Variants in PTPN9 observed in about 807,000 individuals in gnomAD.
PTPN9 encodes the protein tyrosine-protein phosphatase non-receptor type 9.
PTPN9 carries 26 observed loss-of-function variants against 69.8 expected under a neutral mutation model. That is an observed-to-expected ratio of 0.37 (90% CI 0.27 to 0.52). The LOEUF (loss-of-function observed/expected upper bound fraction) is 0.52. Among genes scored for constraint, PTPN9 ranks in the 20% least tolerant of loss-of-function variants. The pLI is 0.91. For synonymous variants in PTPN9, 274 were observed against 272.5 expected (o/e 1.01, Z -0.05); for missense variants, 549 against 740.3 (o/e 0.74, Z 3.00).
At chr15:75,491,446 G>C (rs1285152890) in intron 7 of PTPN9, among the ~76,000 whole-genome samples, 2 of 151,544 alleles carry the variant, frequency 1.3e-5, no homozygotes, top group Non-Finnish European at 2.9e-5. Context: ...GAGAGAAGGA[G>C]TGGGGATGGG....
At position 75,530,708 on chromosome 15, in the gene PTPN9, T is replaced by TAA. The variant is rs1555456046; in HGVS notation, c.64-3448_64-3447insTT. ...TATATTATAATATATATAATATATA[T>TAA]TATTATATAATATATATAATATATA... On this transcript the variant is annotated intron_variant, in intron 1 of 12. Coordinates refer to ENST00000618819, the MANE Select transcript of PTPN9 (RefSeq NM_002833.4). Among the ~76,000 whole-genome samples, 4 of 34,532 alleles carry TAA rather than the reference T, an allele frequency of 1.2e-4. 2 individuals are homozygous for TAA. Among genetic ancestry groups the TAA allele is most frequent in the African/African-American group, 3.1e-4 (2 of 6,450 alleles). The allele number at this position is 34,532 out of a possible 152,430, so 22.7% of individuals were successfully genotyped here.
In PTPN9 at chr15:75,468,706, G is replaced by C; in HGVS notation, c.*63C>G. The C allele has an allele frequency of 6.8e-7, 1 of 1,465,378 alleles. No individual in the cohort carries two copies. The highest frequency in any genetic ancestry group is 9.4e-7 in the Non-Finnish European group (1 of 1,058,760). The allele number at this position is 1,465,378 out of a possible 1,614,324, so 90.8% of individuals were successfully genotyped here. A position where few individuals can be genotyped will look rare whatever the true frequency, so the allele number is the denominator to read the frequency against. The stretch of plus-strand genomic sequence containing the variant: ...CAGCGTAACTGATGGCAACCTATAG[G>C]CTCAGCGGTGTCCAGGGTAGTTTAA... On this transcript the variant is annotated 3_prime_UTR_variant, in exon 13 of 13. Transcript: ENST00000618819.
intron 1 of PTPN9, among the ~76,000 whole-genome samples, chr15:75,548,855 G>A (rs796555056): frequency 9.2e-5 from 14 of 151,464 alleles, no homozygotes; most frequent in African/African-American, 2.9e-4. Flanking sequence ...GGGTTTCACC[G>A]TGTTAGCCAG....
chr15:75,527,390 G>C (rs996982350), intron 1 of PTPN9, 129 bp from the exon 2 acceptor site: 1 of 989,796 alleles, frequency 1.0e-6, no homozygotes, highest in Non-Finnish European at 1.5e-6. Flanking sequence ...AGGGAGCAGG[G>C]AAAGACAAAC....
intron 8 of PTPN9, among the ~76,000 whole-genome samples, chr15:75,488,526 C>T (rs1038997021): frequency 5.3e-5 from 8 of 150,186 alleles, no homozygotes; most frequent in Admixed American, 1.3e-4. Context: ...CCAGGCACAC[C>T]GGCTCATGCC....
chr15:75,501,645 G>A (rs967026586), intron 7 of PTPN9, among the ~76,000 whole-genome samples: 2 of 151,708 alleles, frequency 1.3e-5, no homozygotes, highest in Non-Finnish European at 2.9e-5. Context: ...TTTTGTAGAG[G>A]TAGGGTCTTG....
chr15:75,471,294 A>T (rs546004119), intron 10 of PTPN9, among the ~76,000 whole-genome samples: 2 of 152,260 alleles, frequency 1.3e-5, no homozygotes, highest in South Asian at 4.1e-4. Context: ...AAAAGAAAAA[A>T]AAAGAGTAGA....
chr15:75,559,789 GA>G (rs1364338754), intron 1 of PTPN9, among the ~76,000 whole-genome samples: 3 of 139,630 alleles, frequency 2.1e-5, no homozygotes, highest in African/African-American at 8.2e-5. Flanking sequence ...AAAAAAAGAA[GA>G]AAGAAAATAT....
At chr15:75,559,783 A>AAAAAAAAAAAG (rs925206692) in intron 1 of PTPN9, among the ~76,000 whole-genome samples, 2 of 142,542 alleles carry the variant, frequency 1.4e-5, no homozygotes, top group African/African-American at 5.2e-5. Flanking sequence ...AAAAAAAAAA[A>AAAAAAAAAAAG]AAGAAGAAAG....
chr15:75,569,409 A>G (rs1194532668), intron 1 of PTPN9, among the ~76,000 whole-genome samples: 1 of 152,090 alleles, frequency 6.6e-6, no homozygotes, highest in Non-Finnish European at 1.5e-5. Context: ...CCTCTTTAAA[A>G]CAGTTTAGCT....
chr15:75,510,960 C>A (rs181609127), intron 5 of PTPN9, among the ~76,000 whole-genome samples: 1 of 152,268 alleles, frequency 6.6e-6, no homozygotes, highest in African/African-American at 2.4e-5. Flanking sequence ...TTATTGGAAT[C>A]CTACTATATT....
intron 1 of PTPN9, among the ~76,000 whole-genome samples, chr15:75,535,221 C>T (rs1595963832): frequency 1.3e-5 from 2 of 152,046 alleles, no homozygotes; most frequent in African/African-American, 4.8e-5. Flanking sequence ...TGGTCTCGAT[C>T]CCTTGACCTC....
In PTPN9 at chr15:75,463,738, C is replaced by G. The variant is rs1156919707; in HGVS notation, c.*5031G>C. The G allele has an allele frequency of 1.3e-5, 2 of 152,174 alleles. No homozygotes were observed. Among genetic ancestry groups the G allele is most frequent in the Non-Finnish European group, 2.9e-5 (2 of 68,040 alleles). The allele number at this position is 152,174 out of a possible 1,614,324, so 9.4% of individuals were successfully genotyped here. A position where few individuals can be genotyped will look rare whatever the true frequency, so the allele number is the denominator to read the frequency against. On this transcript the variant is annotated 3_prime_UTR_variant, in exon 13 of 13. Coordinates refer to ENST00000618819, the MANE Select transcript of PTPN9 (RefSeq NM_002833.4). ...TTTGTGGAGAAGATCCTAGTCTTCTCTGTAGTCAATTATGAACAGTGCAGT... is the reference window on the plus strand; with the variant it reads ...TTTGTGGAGAAGATCCTAGTCTTCTGTGTAGTCAATTATGAACAGTGCAGT...
chr15:75,473,370 C>T (rs1473159193), intron 10 of PTPN9, among the ~76,000 whole-genome samples: 1 of 152,158 alleles, frequency 6.6e-6, no homozygotes, highest in Non-Finnish European at 1.5e-5. Context: ...CTGCCTCAGC[C>T]TCCCAAGTAG....
At position 75,467,370 on chromosome 15, in the gene PTPN9, T is replaced by C. The variant is rs957074257; in HGVS notation, c.*1399A>G. 2.0e-5 allele frequency: 3 copies of C among 152,576 alleles called. No individual in the cohort carries two copies. 9.5% of individuals were successfully genotyped at this position (152,576 alleles called of 1,614,324 possible). On this transcript the variant is annotated 3_prime_UTR_variant, in exon 13 of 13. Coordinates refer to ENST00000618819, the MANE Select transcript of PTPN9 (RefSeq NM_002833.4). ...GAAGGTTTAGGAGTTCCTGGGATTT[T>C]TTGGGAATGTGGAGTGCTGAGGACT...
chr15:75,484,750 C>A (rs2074664172), intron 8 of PTPN9, among the ~76,000 whole-genome samples: 1 of 152,076 alleles, frequency 6.6e-6, no homozygotes, highest in Non-Finnish European at 1.5e-5. Flanking sequence ...AACTCATAAC[C>A]CACTGCATTA....
chr15:75,530,885 T>TTACGATATATTATA (rs2074961074), intron 1 of PTPN9, among the ~76,000 whole-genome samples: 1 of 114,970 alleles, frequency 8.7e-6, no homozygotes, highest in Non-Finnish European at 1.7e-5. Flanking sequence ...ATATTATATA[T>TTACGATATATTATA]TATTATATAT....
intron 6 of PTPN9, among the ~76,000 whole-genome samples, chr15:75,508,421 A>G (rs1389037274): frequency 2.6e-5 from 4 of 151,678 alleles, no homozygotes; most frequent in South Asian, 2.1e-4. Context: ...GTATTCTGAG[A>G]AAAAAAAATG....
At chr15:75,506,025 T>C in intron 6 of PTPN9, 22 bp from the exon 7 acceptor site, 2 of 1,554,532 alleles carry the variant, frequency 1.3e-6, no homozygotes, top group Non-Finnish European at 1.8e-6. Flanking sequence ...GAAAGAACCA[T>C]GTGAGTATGT....
Sources: gnomAD v4.1 joint callset for allele counts (sites outside exome capture counted in the v4.1 genomes callset) on GRCh38, gnomAD v4.1.1 for gene constraint, MANE v1.5 for transcripts, NCBI Gene and HGNC (gene_info 2026-07-23, HGNC 2026-07-21) for gene names.